The following TRERF1 variants were observed in gnomAD, a reference collection of about 807,000 sequenced individuals.
TRERF1 encodes the protein transcriptional regulating factor 1.
In TRERF1, 27 loss-of-function variants were observed where a neutral mutation model predicts 122.9. The ratio of observed to expected loss-of-function variants is 0.22; its 90% confidence interval spans 0.16 to 0.30. The LOEUF is 0.30. Ranked by LOEUF, TRERF1 falls within the 10% of genes least tolerant of loss-of-function variation. TRERF1 has a pLI of 1.00. For synonymous variants in TRERF1, 636 were observed against 641.7 expected (o/e 0.99, Z 0.13); for missense variants, 1,248 against 1,560.3 (o/e 0.80, Z 3.37).
Position 42,335,776 on chromosome 6 carries a change from C to A in TRERF1, c.-371+27221G>T, listed in dbSNP as rs549823727. 2.6e-5 allele frequency among the ~76,000 whole-genome samples: 4 copies of A among 152,344 alleles called. No homozygotes were observed. In the South Asian group the frequency reaches 8.3e-4, roughly 32 times the overall value. ...TTCCTCAGGGGCACATTCTCTGACT[C>A]CCCAAAACAAAGTCTAGCTTCCATT... On this transcript the variant is annotated intron_variant, in intron 3 of 17. Transcript: ENST00000372922.
At chr6:42,290,922 C>T (rs1784224907) in intron 4 of TRERF1, among the ~76,000 whole-genome samples, 1 of 151,904 alleles carries the variant, frequency 6.6e-6, no homozygotes, top group African/African-American at 2.4e-5. Flanking sequence ...CCCTGGGCCA[C>T]AGTCACGAAC....
intron 17 of TRERF1, among the ~76,000 whole-genome samples, chr6:42,229,558 G>A (rs1770105603): frequency 6.6e-6 from 1 of 152,096 alleles, no homozygotes; most frequent in Non-Finnish European, 1.5e-5. Context: ...TCTTCTCGAG[G>A]TCACTGGTAA....
At chr6:42,351,591 G>A (rs1285311537) in intron 3 of TRERF1, among the ~76,000 whole-genome samples, 1 of 152,124 alleles carries the variant, frequency 6.6e-6, no homozygotes, top group Non-Finnish European at 1.5e-5. Context: ...AGTATCTTCT[G>A]GCAGATTCAG....
At chr6:42,305,192 G>A (rs1175466398) in intron 3 of TRERF1, among the ~76,000 whole-genome samples, 1 of 152,162 alleles carries the variant, frequency 6.6e-6, no homozygotes, top group Non-Finnish European at 1.5e-5. Context: ...AGAGCTTTAA[G>A]GGCCAAATCC....
intron 2 of TRERF1, among the ~76,000 whole-genome samples, chr6:42,425,538 T>A (rs1783511027): frequency 8.3e-6 from 1 of 121,048 alleles, no homozygotes; most frequent in African/African-American, 3.5e-5. Flanking sequence ...CATTTTTTTT[T>A]TTTTTTTTTT....
intron 14 of TRERF1, among the ~76,000 whole-genome samples, chr6:42,244,287 C>T (rs1042635265): frequency 1.3e-5 from 2 of 152,092 alleles, no homozygotes; most frequent in African/African-American, 4.8e-5. Context: ...TGGGTTCAAG[C>T]GATTCTCCTG....
At chr6:42,362,597 G>A (rs1771978221) in intron 3 of TRERF1, among the ~76,000 whole-genome samples, 2 of 152,250 alleles carry the variant, frequency 1.3e-5, no homozygotes, top group Admixed American at 1.3e-4. Context: ...CCCAGGGCCA[G>A]CTAAGGCTCC....
rs567606658 is a variant in TRERF1 at position 42,241,073 on chromosome 6, A to C, written c.2859+2175T>G. Among the ~76,000 whole-genome samples the C allele has an allele frequency of 7.2e-5, 11 of 152,126 alleles. No individual in the cohort carries two copies. The East Asian group carries it at 2.1e-3, about 29-fold the overall frequency. On this transcript the variant is annotated intron_variant, in intron 15 of 17. Coordinates refer to ENST00000372922, the Ensembl canonical transcript of TRERF1. ...ACGTCCAGTTAATTTTTTAGTAGAG[A>C]TGGGGTTTCACCATGTTGGCCAGGG...
chr6:42,265,885 G>A (rs1779071118), intron 5 of TRERF1, 88 bp from the exon 6 acceptor site: 1 of 1,380,896 alleles, frequency 7.2e-7, no homozygotes, highest in South Asian at 1.2e-5. Flanking sequence ...GGGAACACCA[G>A]GTACTCTTCC....
At position 42,393,988 on chromosome 6, in the gene TRERF1, G is replaced by A. The variant is rs981329889; in HGVS notation, c.-453-30909C>T. On this transcript the variant is annotated intron_variant, in intron 2 of 17. Coordinates refer to ENST00000372922, the Ensembl canonical transcript of TRERF1. This position sits in a 1 kb window ranked among gnomAD's most constrained non-coding sequence, Gnocchi z 4.1. ...ACTGGTTTCTTCCAGAAAGATGGAT[G>A]TTTTTATTTTCTTCTCTATGATTTC... Among the ~76,000 whole-genome samples, 1 of 151,134 alleles carries A rather than the reference G, an allele frequency of 6.6e-6. No homozygotes were observed. The highest frequency in any genetic ancestry group is 1.5e-5 in the Non-Finnish European group (1 of 67,868).
At chr6:42,430,242 G>T (rs549533621) in intron 2 of TRERF1, among the ~76,000 whole-genome samples, 24 of 152,070 alleles carry the variant, frequency 1.6e-4, no homozygotes, top group African/African-American at 5.8e-4. Context: ...ATTCTTCCTG[G>T]TAATCTCCCT....
chr6:42,362,143 T>C (rs980297523), intron 3 of TRERF1, among the ~76,000 whole-genome samples: 1 of 152,068 alleles, frequency 6.6e-6, no homozygotes, highest in Non-Finnish European at 1.5e-5. Context: ...CTCCCTTCAG[T>C]AGACGCTCTT....
chr6:42,352,851 TC>T (rs1769728074), intron 3 of TRERF1, among the ~76,000 whole-genome samples: 1 of 152,236 alleles, frequency 6.6e-6, no homozygotes, highest in Non-Finnish European at 1.5e-5. Context: ...CATCTTTATC[TC>T]TTTATCAGAT....
intron 2 of TRERF1, among the ~76,000 whole-genome samples, chr6:42,374,086 T>C (rs1774318234): frequency 6.7e-6 from 1 of 149,374 alleles, no homozygotes; most frequent in Non-Finnish European, 1.5e-5. Flanking sequence ...TGAGCCGAGA[T>C]GGCACCATAG....
intron 2 of TRERF1, among the ~76,000 whole-genome samples, chr6:42,431,797 G>A (rs1010642981): frequency 2.6e-5 from 4 of 151,822 alleles, no homozygotes; most frequent in African/African-American, 7.3e-5. Flanking sequence ...AAAGTGAGCC[G>A]CCATGTCTGA....
chr6:42,238,261 T>C (rs906427286), intron 15 of TRERF1, among the ~76,000 whole-genome samples: 2 of 152,236 alleles, frequency 1.3e-5, no homozygotes, highest in Non-Finnish European at 2.9e-5. Flanking sequence ...TGGTATTTGT[T>C]ATAATGACAA....
intron 3 of TRERF1, among the ~76,000 whole-genome samples, chr6:42,303,958 C>T (rs1053352554): frequency 4.0e-5 from 6 of 148,484 alleles, no homozygotes; most frequent in African/African-American, 1.5e-4. Flanking sequence ...CCAAAAGCAC[C>T]CAAGAAGTTT....
intron 15 of TRERF1, 67 bp downstream of exon 15, chr6:42,243,181 A>G: frequency 7.4e-7 from 1 of 1,343,332 alleles, no homozygotes; most frequent in Non-Finnish European, 1.1e-6. Context: ...AACACCAGCT[A>G]CTTACTAACC....
At chr6:42,348,974 C>T (rs1442547356) in intron 3 of TRERF1, among the ~76,000 whole-genome samples, 2 of 152,116 alleles carry the variant, frequency 1.3e-5, no homozygotes, top group African/African-American at 4.8e-5. Flanking sequence ...CCTTTACTTC[C>T]GCATCCATGA....
Sources: allele counts gnomAD v4.1 joint callset (sites outside exome capture counted in the v4.1 genomes callset), GRCh38; gene constraint gnomAD v4.1.1; non-coding constraint Gnocchi (gnomAD v3.1); transcripts MANE v1.5; gene names NCBI Gene and HGNC (gene_info 2026-07-23, HGNC 2026-07-21).